Variants in HECW2 observed in about 807,000 individuals in gnomAD.
HECW2 encodes HECT, C2 and WW domain containing E3 ubiquitin protein ligase 2.
HECW2 carries 61 observed loss-of-function variants against 175.2 expected under a neutral mutation model. That is an observed-to-expected ratio of 0.35 (90% CI 0.28 to 0.43). The LOEUF is 0.43. HECW2 is among the 20% of genes least tolerant of loss of function. HECW2 has a pLI of 1.00. For missense variants in HECW2, 1,524 were observed against 2,000.5 expected (o/e 0.76, Z 4.54); for synonymous variants, 671 against 731.0 (o/e 0.92, Z 1.32).
intron 10 of HECW2, chr2:196,316,504 T>A (rs1006897096): frequency 6.6e-6 from 1 of 152,206 alleles, no homozygotes; most frequent in African/African-American, 2.4e-5. Context: ...GTGTTTTTTT[T>A]AAAGCAATGT....
chr2:196,569,182 T>C (rs887586435), intron 1 of HECW2, among the ~76,000 whole-genome samples: 4 of 151,752 alleles, frequency 2.6e-5, no homozygotes, highest in Non-Finnish European at 5.9e-5. Context: ...CCAAAAACTT[T>C]GAAAAAAGAA....
chr2:196,554,026 G>C (rs1172244503), intron 1 of HECW2, among the ~76,000 whole-genome samples: 1 of 152,216 alleles, frequency 6.6e-6, no homozygotes, highest in African/African-American at 2.4e-5. Context: ...TCTAGGATAG[G>C]GCTGGAGGGC....
intron 2 of HECW2, among the ~76,000 whole-genome samples, chr2:196,385,184 T>C (rs1001491170): frequency 3.5e-4 from 53 of 152,246 alleles, no homozygotes; most frequent in African/African-American, 1.0e-3. Context: ...AGTGCTGGGA[T>C]TACAAGCATG....
chr2:196,559,828 T>C (rs1689936181), intron 1 of HECW2, among the ~76,000 whole-genome samples: 2 of 152,166 alleles, frequency 1.3e-5, no homozygotes, highest in African/African-American at 4.8e-5. Flanking sequence ...CAAGGTACAG[T>C]GTGGGAAGGT....
chr2:196,402,165 C>T (rs1694837498), intron 2 of HECW2, among the ~76,000 whole-genome samples: 1 of 127,130 alleles, frequency 7.9e-6, no homozygotes, highest in Admixed American at 9.5e-5. Flanking sequence ...GGCACCACTG[C>T]ACTCCTGCCT....
intron 2 of HECW2, among the ~76,000 whole-genome samples, chr2:196,386,216 C>A (rs1441542628): frequency 6.6e-6 from 1 of 152,060 alleles, no homozygotes; most frequent in African/African-American, 2.4e-5. Flanking sequence ...GGGAGATGGA[C>A]AGTAAACAAG....
chr2:196,257,915 GA>G lies in HECW2; in HGVS notation c.3336-10del. ...TAAATTGGATCTTCTCCCTAATCAA[GA>G]AAAGAAACAGCACAAAATGTATATG... On this transcript the variant is annotated splice_polypyrimidine_tract_variant and intron_variant, in intron 17 of 28. Transcript: ENST00000644978. 6.2e-7 allele frequency: 1 copy of G among 1,602,026 alleles called. No homozygotes were observed.
chr2:196,410,534 C>T (rs1486695866), intron 2 of HECW2, among the ~76,000 whole-genome samples: 4 of 151,918 alleles, frequency 2.6e-5, no homozygotes, highest in African/African-American at 4.8e-5. Context: ...CTGTTATGTC[C>T]GATCAGATCA....
intron 1 of HECW2, among the ~76,000 whole-genome samples, chr2:196,503,334 G>A (rs1022883936): frequency 6.6e-6 from 1 of 152,236 alleles, no homozygotes; most frequent in South Asian, 2.1e-4. Context: ...TTGGGCCTAC[G>A]GACTCCTTGC....
At chr2:196,459,928 C>T (rs1238542387) in intron 1 of HECW2, among the ~76,000 whole-genome samples, 1 of 152,140 alleles carries the variant, frequency 6.6e-6, no homozygotes, top group Admixed American at 6.6e-5. Flanking sequence ...GCATGTTTCT[C>T]CCTTCCTAAA....
At chr2:196,330,628 T>C (rs1692322598) in intron 4 of HECW2, among the ~76,000 whole-genome samples, 2 of 152,164 alleles carry the variant, frequency 1.3e-5, no homozygotes, top group Non-Finnish European at 1.5e-5. Context: ...CCTCAATATG[T>C]GATCACCCTT....
chr2:196,420,745 CT>C (rs201896327), intron 2 of HECW2, among the ~76,000 whole-genome samples: 4 of 150,838 alleles, frequency 2.7e-5, no homozygotes, highest in African/African-American at 7.3e-5. Flanking sequence ...TAAGTCAGTT[CT>C]TTTTTTTTCA....
At chr2:196,279,543 A>C (rs999772617) in intron 14 of HECW2, among the ~76,000 whole-genome samples, 5 of 152,102 alleles carry the variant, frequency 3.3e-5, no homozygotes, top group Admixed American at 6.5e-5. Context: ...CTCTATCACC[A>C]TAGTCATTTA....
chr2:196,323,542 G>T (rs1474804102), intron 6 of HECW2, among the ~76,000 whole-genome samples: 2 of 152,120 alleles, frequency 1.3e-5, no homozygotes, highest in East Asian at 1.9e-4. Flanking sequence ...AACAATTAAG[G>T]TTTTCCAAAG....
At chr2:196,268,096 C>T (rs928779484) in intron 17 of HECW2, among the ~76,000 whole-genome samples, 2 of 152,218 alleles carry the variant, frequency 1.3e-5, no homozygotes, top group African/African-American at 2.4e-5. Flanking sequence ...ATGCTCCTCA[C>T]AACTATATAA....
chr2:196,434,348 G>A (rs1423465475), intron 1 of HECW2, among the ~76,000 whole-genome samples: 6 of 152,108 alleles, frequency 3.9e-5, no homozygotes, highest in Non-Finnish European at 7.4e-5. Flanking sequence ...CTTTCTGGCT[G>A]GTCCACATTA....
chr2:196,250,935 G>A (rs974339191), intron 19 of HECW2, among the ~76,000 whole-genome samples: 2 of 152,074 alleles, frequency 1.3e-5, no homozygotes, highest in Non-Finnish European at 2.9e-5. Context: ...ATCATGATCC[G>A]GTTTATAACC....
intron 14 of HECW2, 72 bp from the exon 15 acceptor site, chr2:196,278,734 A>C: frequency 1.3e-6 from 2 of 1,535,876 alleles, no homozygotes; most frequent in Non-Finnish European, 1.8e-6. Flanking sequence ...TCAGACGGTC[A>C]GGAAAAGACT....
At chr2:196,206,892 T>C (rs1687088062) in intron 28 of HECW2, among the ~76,000 whole-genome samples, 1 of 152,190 alleles carries the variant, frequency 6.6e-6, no homozygotes, top group South Asian at 2.1e-4. Flanking sequence ...CAGTTAATAA[T>C]ACTATGAGTT....
Sources: allele counts gnomAD v4.1 joint callset (sites outside exome capture counted in the v4.1 genomes callset), GRCh38; gene constraint gnomAD v4.1.1; transcripts MANE v1.5; gene names NCBI Gene and HGNC (gene_info 2026-07-23, HGNC 2026-07-21).